SUZ12: variants seen among roughly 807,000 people sequenced by gnomAD.
SUZ12 encodes the protein polycomb protein SUZ12.
In SUZ12, 17 loss-of-function variants were observed where a neutral mutation model predicts 87.3. The observed-to-expected ratio is 0.19, with a 90% CI of 0.13 to 0.29. SUZ12 has a LOEUF of 0.29. Among genes scored for constraint, SUZ12 ranks in the 10% least tolerant of loss-of-function variants. SUZ12 has a pLI of 1.00. For missense variants in SUZ12, 526 were observed against 912.2 expected, an observed-to-expected ratio of 0.58 and a Z score of 5.45; for synonymous variants, 253 against 312.4, an observed-to-expected ratio of 0.81 and a Z score of 2.01.
chr17:31,941,523 C>T (rs1371131251), intron 3 of SUZ12, among the ~76,000 whole-genome samples: 2 of 149,036 alleles, frequency 1.3e-5, no homozygotes, highest in Non-Finnish European at 3.0e-5. Flanking sequence ...TCCTAAAGTG[C>T]TAGGATTACA....
intron 3 of SUZ12, among the ~76,000 whole-genome samples, chr17:31,945,447 G>A (rs552165781): frequency 1.3e-5 from 2 of 152,154 alleles, no homozygotes; most frequent in Non-Finnish European, 2.9e-5. Context: ...TATAGGTCAC[G>A]AGAAGGGCAT....
intron 10 of SUZ12, among the ~76,000 whole-genome samples, chr17:31,991,176 A>G (rs1567837496): frequency 6.6e-6 from 1 of 152,064 alleles, no homozygotes; most frequent in Non-Finnish European, 1.5e-5. Flanking sequence ...ACTCATGTAC[A>G]CTCATTGTGT....
intron 3 of SUZ12, 144 bp downstream of exon 3, chr17:31,940,630 AGT>A (rs1399236697): frequency 2.1e-5 from 28 of 1,359,300 alleles, no homozygotes; most frequent in Admixed American, 3.0e-5. Context: ...GAAGTGAGAG[AGT>A]GACTGGTTGA....
chr17:31,997,973 C>A (rs8066436), intron 15 of SUZ12, among the ~76,000 whole-genome samples: 7,094 of 152,058 alleles, frequency 0.047, 532 homozygotes, highest in African/African-American at 0.16. Context: ...TGTGGTGGCT[C>A]ACACTTACAA....
In SUZ12 at chr17:31,982,885, G is replaced by A. The variant is rs1909197072; in HGVS notation, c.918-114G>A. On this transcript the variant is annotated intron_variant, in intron 8 of 15. Transcript: ENST00000322652. ...GTATTTTTAAAATCTTGTTGGGTAT[G>A]TAAGCTAGTTTATAAATTTAATAAA... 2.2e-6 allele frequency: 3 copies of A among 1,359,472 alleles called. No individual in the cohort carries two copies. The South Asian group carries it at 4.7e-5, about 21-fold the overall frequency. The allele number at this position is 1,359,472 out of a possible 1,614,324, so 84.2% of individuals were successfully genotyped here.
intron 6 of SUZ12, among the ~76,000 whole-genome samples, chr17:31,974,755 A>T (rs1427012956): frequency 6.6e-6 from 1 of 152,136 alleles, no homozygotes; most frequent in Non-Finnish European, 1.5e-5. Context: ...TATAAAATAG[A>T]AATTTTTTTA....
chr17:31,955,452 T>C (rs912001960), intron 4 of SUZ12, among the ~76,000 whole-genome samples: 16 of 151,880 alleles, frequency 1.1e-4, no homozygotes, highest in African/African-American at 3.1e-4. Flanking sequence ...CTGGATGATT[T>C]TGTAAAATTT....
intron 4 of SUZ12, among the ~76,000 whole-genome samples, chr17:31,963,169 C>CAAG (rs1907842828): frequency 6.7e-6 from 1 of 150,228 alleles, no homozygotes; most frequent in East Asian, 1.9e-4. Flanking sequence ...TTTTTTGAGA[C>CAAG]AGTCTTGCTC....
intron 3 of SUZ12, among the ~76,000 whole-genome samples, chr17:31,941,773 TCTC>T (rs1251062501): frequency 1.3e-5 from 2 of 151,720 alleles, no homozygotes; most frequent in East Asian, 3.9e-4. Flanking sequence ...ATGGTCTCGA[TCTC>T]CTGACGTCAG....
chr17:31,971,266 G>T (rs1464449473), intron 5 of SUZ12, among the ~76,000 whole-genome samples: 1 of 151,974 alleles, frequency 6.6e-6, no homozygotes, highest in African/African-American at 2.4e-5. Flanking sequence ...GTCAGATCAA[G>T]AACTTTTTAG....
In SUZ12 at chr17:31,961,032, C is replaced by T. The variant is rs368038898; in HGVS notation, c.456-5115C>T. On this transcript the variant is annotated intron_variant, in intron 4 of 15. Transcript: ENST00000322652. ...TTTGAGACCAGCCTGGGCAATATGA[C>T]GAAACCTCTCTCCACTAAAAAATAC... is the stretch of plus-strand genomic sequence containing the variant. 2.4e-4 allele frequency among the ~76,000 whole-genome samples: 37 copies of T among 151,592 alleles called. No individual in the cohort carries two copies. In the East Asian group the frequency reaches 3.5e-3, roughly 14 times the overall value.
intron 8 of SUZ12, among the ~76,000 whole-genome samples, chr17:31,980,930 ACCAAGGTGAGAGGAT>A (rs1008904270): frequency 6.6e-6 from 1 of 151,992 alleles, no homozygotes; most frequent in Non-Finnish European, 1.5e-5. Context: ...ACTTTGGAAG[ACCAAGGTGAGAGGAT>A]CTCTTGAGCC....
At chr17:31,969,121 CG>C (rs1372244252) in intron 5 of SUZ12, among the ~76,000 whole-genome samples, 2 of 151,988 alleles carry the variant, frequency 1.3e-5, no homozygotes, top group Non-Finnish European at 2.9e-5. Flanking sequence ...GGATTACAGG[CG>C]GGTGCCACCA....
At chr17:31,948,368 C>T (rs1454300597) in intron 4 of SUZ12, among the ~76,000 whole-genome samples, 7 of 152,070 alleles carry the variant, frequency 4.6e-5, no homozygotes, top group African/African-American at 1.7e-4. Context: ...ATTGAATATT[C>T]TAAGGAGAAA....
chr17:31,970,664 T>C (rs1183163017), intron 5 of SUZ12, among the ~76,000 whole-genome samples: 1 of 151,970 alleles, frequency 6.6e-6, no homozygotes, highest in Non-Finnish European at 1.5e-5. Context: ...CTTGGTGGCT[T>C]GTGCCTGTAG....
Position 31,988,502 on chromosome 17 carries a change from G to GA in SUZ12, c.1201+9dup, listed in dbSNP as rs752805304. The GA allele has an allele frequency of 1.3e-6, 2 of 1,586,964 alleles. No homozygotes were observed. The highest frequency in any genetic ancestry group is 1.7e-6 in the Non-Finnish European group (2 of 1,171,740). ...TTAAACCTACTCAAACTATTGGTAAGAAAACATTGCAATCAAAATAATAAA... is the reference window on the plus strand; with the variant it reads ...TTAAACCTACTCAAACTATTGGTAAGAAAAACATTGCAATCAAAATAATAAA... On this transcript the variant is annotated splice_donor_region_variant and intron_variant, in intron 10 of 15. Coordinates refer to ENST00000322652, the MANE Select transcript of SUZ12 (RefSeq NM_015355.4).
At chr17:31,965,516 TAACA>T (rs1031317680) in intron 4 of SUZ12, among the ~76,000 whole-genome samples, 1 of 152,210 alleles carries the variant, frequency 6.6e-6, no homozygotes, top group African/African-American at 2.4e-5. Context: ...CTTCTAAAAC[TAACA>T]GTGAAAATGA....
chr17:31,990,253 G>A (rs1047463268), intron 10 of SUZ12, among the ~76,000 whole-genome samples: 37 of 149,390 alleles, frequency 2.5e-4, no homozygotes, highest in Admixed American at 1.1e-3. Context: ...GATTACAGGC[G>A]TGACCCACCA....
intron 9 of SUZ12, among the ~76,000 whole-genome samples, chr17:31,986,359 AAT>A (rs1284420817): frequency 2.8e-4 from 43 of 152,178 alleles, no homozygotes; most frequent in African/African-American, 1.0e-3. Flanking sequence ...TGGGTTCCTT[AAT>A]TGACTAAACC....
Sources: gnomAD v4.1 joint callset for allele counts (sites outside exome capture counted in the v4.1 genomes callset) on GRCh38, gnomAD v4.1.1 for gene constraint, MANE v1.5 for transcripts, NCBI Gene and HGNC (gene_info 2026-07-23, HGNC 2026-07-21) for gene names.